The following MIPOL1 variants were observed in gnomAD, a reference collection of about 807,000 sequenced individuals.
MIPOL1 encodes the protein mirror-image polydactyly gene 1 protein.
In MIPOL1, 57 loss-of-function variants were observed where a neutral mutation model predicts 60.9. The ratio of observed to expected loss-of-function variants is 0.94; its 90% CI spans 0.76 to 1.17. The LOEUF is 1.17. MIPOL1 is among the 50% of genes most tolerant of loss of function. The pLI is 0.00. For synonymous variants in MIPOL1, 179 were observed against 168.8 expected, an observed-to-expected ratio of 1.06 and a Z score of -0.47; for missense variants, 551 against 511.6, an observed-to-expected ratio of 1.08 and a Z score of -0.74.
intron 12 of MIPOL1, among the ~76,000 whole-genome samples, chr14:37,526,321 T>C (rs77349093): frequency 0.015 from 2,237 of 151,496 alleles, 27 homozygotes; most frequent in Non-Finnish European, 0.025. Context: ...TGCTGTACTA[T>C]ACAGTGAGAA....
chr14:37,371,477 C>T (rs1392158044), intron 10 of MIPOL1, among the ~76,000 whole-genome samples: 1 of 151,846 alleles, frequency 6.6e-6, no homozygotes, highest in Non-Finnish European at 1.5e-5. Flanking sequence ...TCTAGTTGCT[C>T]ATTTTTTTTT....
chr14:37,489,846 C>T (rs2153604922), intron 11 of MIPOL1, among the ~76,000 whole-genome samples: 1 of 152,284 alleles, frequency 6.6e-6, no homozygotes, highest in East Asian at 1.9e-4. Context: ...GGGGCACCCA[C>T]CAGATGCCAG....
intron 10 of MIPOL1, among the ~76,000 whole-genome samples, chr14:37,388,238 C>CT (rs1464180077): frequency 6.6e-6 from 1 of 151,562 alleles, no homozygotes; most frequent in Non-Finnish European, 1.5e-5. Flanking sequence ...AAAACTGAGA[C>CT]TTTAAGCACC....
Position 37,515,528 on chromosome 14 carries a change from T to A in MIPOL1, c.1262+15390T>A, listed in dbSNP as rs78989161. Among the ~76,000 whole-genome samples, 795 of 152,322 alleles carry A rather than the reference T, an allele frequency of 5.2e-3. 6 individuals are homozygous for A. Among genetic ancestry groups the A allele is most frequent in the Non-Finnish European group, 8.3e-3 (567 of 68,028 alleles). Reference sequence around the variant, plus strand: ...GTTTGCCTCATACAACAGTATACTGTGTATATGTAAAAGCATATGTTATAT... The same window carrying A: ...GTTTGCCTCATACAACAGTATACTGAGTATATGTAAAAGCATATGTTATAT... On this transcript the variant is annotated intron_variant, in intron 12 of 12. Transcript: ENST00000684589.
chr14:37,330,408 A>G (rs2089565388), intron 9 of MIPOL1, among the ~76,000 whole-genome samples: 1 of 152,162 alleles, frequency 6.6e-6, no homozygotes, highest in African/African-American at 2.4e-5. Context: ...GGAAGCTAGG[A>G]AAATACCAAC....
Position 37,455,138 on chromosome 14 carries a change from A to G in MIPOL1, c.1031+32189A>G, listed in dbSNP as rs547729026. The stretch of plus-strand genomic sequence containing the variant: ...TATTTCATGGTAAACCCAATTCAGA[A>G]TGTATAAAATGGAAGGCAGCAATGT... On this transcript the variant is annotated intron_variant, in intron 11 of 12. Transcript: ENST00000684589. Among the ~76,000 whole-genome samples, 70 of 152,180 alleles carry G rather than the reference A, an allele frequency of 4.6e-4. 1 individual carries two copies. The highest frequency in any genetic ancestry group is 8.5e-4 in the Non-Finnish European group (58 of 68,020).
At chr14:37,269,289 C>T (rs2083107482) in intron 5 of MIPOL1, among the ~76,000 whole-genome samples, 3 of 151,998 alleles carry the variant, frequency 2.0e-5, no homozygotes, top group Admixed American at 1.3e-4. Context: ...TCCAATTTGT[C>T]ACGTTATGTT....
At chr14:37,211,875 A>C (rs1234796760) in intron 1 of MIPOL1, among the ~76,000 whole-genome samples, 5 of 151,890 alleles carry the variant, frequency 3.3e-5, no homozygotes, top group Non-Finnish European at 7.4e-5. Flanking sequence ...CGAGGATATC[A>C]GCTCAGCCAC....
At chr14:37,515,743 A>C (rs1196185013) in intron 12 of MIPOL1, among the ~76,000 whole-genome samples, 2 of 144,936 alleles carry the variant, frequency 1.4e-5, no homozygotes, top group South Asian at 2.2e-4. Flanking sequence ...CTTTCCCAGA[A>C]TGATGGGAGT....
intron 11 of MIPOL1, among the ~76,000 whole-genome samples, chr14:37,431,473 A>G (rs1013674114): frequency 7.9e-5 from 12 of 151,600 alleles, no homozygotes; most frequent in Admixed American, 3.3e-4. Flanking sequence ...TCAGCCATCA[A>G]TAGTATTTAA....
chr14:37,346,947 G>T (rs924741172), intron 9 of MIPOL1, among the ~76,000 whole-genome samples: 5 of 152,156 alleles, frequency 3.3e-5, no homozygotes, highest in African/African-American at 1.2e-4. Context: ...CTTCATATGG[G>T]AGTATAGTGA....
chr14:37,448,169 T>C (rs187322049), intron 11 of MIPOL1, among the ~76,000 whole-genome samples: 1 of 152,362 alleles, frequency 6.6e-6, no homozygotes, highest in Admixed American at 6.5e-5. Flanking sequence ...ACTGCACTAG[T>C]GAGAGAACCC....
rs946169715 is a variant in MIPOL1 at position 37,500,057 on chromosome 14, C to T, written c.1181C>T (p.Ala394Val). Residue 394 changes from alanine (A) to valine (V), a missense_variant, in exon 12 of 13, where the codon GCT becomes GTT. Ala to Val is a moderately conservative substitution (Grantham distance 64). Transcript: ENST00000684589. ...GAACTGGCTACTCAACTGCAACAAG[C>T]TCTGACAGAGCGAGCAAATATGGAA... ...NEELATQLQQ[A>V]LTERANMELQ... 15 of 1,613,980 alleles carry T rather than the reference C, an allele frequency of 9.3e-6. No individual in the cohort carries two copies. Among genetic ancestry groups the T allele is most frequent in the Non-Finnish European group, 1.3e-5 (15 of 1,179,892 alleles).
intron 10 of MIPOL1, among the ~76,000 whole-genome samples, chr14:37,389,787 AG>A (rs74277121): frequency 6.6e-6 from 1 of 151,500 alleles, no homozygotes; most frequent in Admixed American, 6.6e-5. Context: ...GTTGATACTG[AG>A]GGGAGGGAGC....
chr14:37,519,601 C>T (rs1384170711), intron 12 of MIPOL1, among the ~76,000 whole-genome samples: 1 of 151,730 alleles, frequency 6.6e-6, no homozygotes, highest in Non-Finnish European at 1.5e-5. Flanking sequence ...AGATGAGTGC[C>T]TCATTCACCT....
At chr14:37,232,452 A>T (rs1970778562) in intron 1 of MIPOL1, among the ~76,000 whole-genome samples, 1 of 152,198 alleles carries the variant, frequency 6.6e-6, no homozygotes. Flanking sequence ...AAGGAGAAAC[A>T]TACTAGTATT....
At chr14:37,331,070 A>G (rs988856505) in intron 9 of MIPOL1, among the ~76,000 whole-genome samples, 1 of 151,812 alleles carries the variant, frequency 6.6e-6, no homozygotes, top group East Asian at 1.9e-4. Flanking sequence ...TTTGTTTTTT[A>G]GTCTATCCTG....
chr14:37,545,983 G>A (rs1391536339), intron 12 of MIPOL1: 1 of 226,998 alleles, frequency 4.4e-6, no homozygotes, highest in Non-Finnish European at 8.5e-6. Flanking sequence ...AGATTTCTAT[G>A]TGTATAACAT....
At chr14:37,420,022 T>C (rs1256762058) in intron 10 of MIPOL1, among the ~76,000 whole-genome samples, 2 of 151,592 alleles carry the variant, frequency 1.3e-5, no homozygotes, top group Non-Finnish European at 2.9e-5. Context: ...AAATGAGGCA[T>C]GAGCTACCAT....
Sources: allele counts gnomAD v4.1 joint callset (sites outside exome capture counted in the v4.1 genomes callset), GRCh38; gene constraint gnomAD v4.1.1; transcripts MANE v1.5; gene names NCBI Gene and HGNC (gene_info 2026-07-23, HGNC 2026-07-21).